The following TSC2 variants were observed in gnomAD, a reference collection of about 807,000 sequenced individuals.
The protein encoded by TSC2 is TSC complex subunit 2, also known as tuberin.
In TSC2, 29 loss-of-function variants were observed where a neutral mutation model predicts 202.2. The ratio of observed to expected loss-of-function variants is 0.14; its 90% CI spans 0.11 to 0.20. The LOEUF is 0.20. TSC2 is among the 10% of genes least tolerant of loss of function. The pLI is 1.00. For missense variants in TSC2, 2,429 were observed against 2,420.0 expected (o/e 1.00, Z -0.08); for synonymous variants, 1,349 against 1,044.0 (o/e 1.29, Z -5.63).
intron 17 of TSC2, 81 bp downstream of exon 17, chr16:2,070,659 C>A: frequency 1.2e-6 from 2 of 1,600,186 alleles, no homozygotes. Flanking sequence ...TTCCTGGAAG[C>A]TGCAGAGACG....
At chr16:2,069,143 C>T (rs1302910143) in intron 16 of TSC2, among the ~76,000 whole-genome samples, 1 of 152,196 alleles carries the variant, frequency 6.6e-6, no homozygotes, top group South Asian at 2.1e-4. Flanking sequence ...TCCCCTTTTC[C>T]TGCCTGCCTA....
At position 2,079,691 on chromosome 16, in the gene TSC2, C is replaced by A. The variant is rs766163289; in HGVS notation, c.3397+22C>A. ...TCGGGTGAGCCTTGGCCCCAGCCAC[C>A]TCCACACAGGCACCGGGGCTCCCTC... On this transcript the variant is annotated intron_variant, in intron 29 of 41. Transcript: ENST00000219476. The surrounding 1 kb of genome is among the most constrained non-coding windows in gnomAD (Gnocchi z 4.6). 5 of 1,560,974 alleles carry A rather than the reference C, an allele frequency of 3.2e-6. No homozygotes were observed. In the Admixed American group the frequency reaches 9.5e-5, roughly 30 times the overall value.
chr16:2,056,967 G>GTC, intron 8 of TSC2, 138 bp from the exon 9 acceptor site: 1 of 1,373,070 alleles, frequency 7.3e-7, no homozygotes, highest in Non-Finnish European at 1.0e-6. Context: ...TGCTGCCTCT[G>GTC]TCTTTGGGAG....
At chr16:2,072,642 GCCGTTCA>G in intron 20 of TSC2, 200 bp from the exon 21 acceptor site, 2 of 850,498 alleles carry the variant, frequency 2.4e-6, no homozygotes, top group Non-Finnish European at 3.6e-6. Flanking sequence ...GGGCTCCCGT[GCCGTTCA>G]CCTCACATTC....
chr16:2,048,652 G>A lies in TSC2; in HGVS notation c.37G>A (p.Glu13Lys), dbSNP rs1555494586. 1.2e-6 allele frequency: 2 copies of A among 1,613,998 alleles called. No homozygotes were observed. The highest frequency in any genetic ancestry group is 2.2e-5 in the East Asian group (1 of 44,892). Residue 13 changes from glutamate (E) to lysine (K), a missense_variant, in exon 2 of 42, where the codon GAG becomes AAG. Physicochemically the swap from Glu to Lys is moderately conservative, Grantham distance 56 (BLOSUM62 1). Transcript: ENST00000219476. ...AACAAGCAAAGATTCAGGCTTGAAG[G>A]AGAAGTTTAAGATTCTGTTGGGACT... ...KPTSKDSGLK[E>K]KFKILLGLGT...
At chr16:2,077,779 C>T (rs1341127146) in intron 26 of TSC2, 53 bp downstream of exon 26, 19 of 1,605,404 alleles carry the variant, frequency 1.2e-5, no homozygotes, top group Non-Finnish European at 1.6e-5. Context: ...GCCCCGTGAG[C>T]ACCTGGGTGG....
rs759429014 is a variant in TSC2 at position 2,084,298 on chromosome 16, T to A, written c.4076T>A (p.Ile1359Asn). The change falls in exon 34 of 42, where the codon ATC (isoleucine) becomes AAC (asparagine). Residue 1359 changes from isoleucine (I) to asparagine (N), a missense_variant. Ile to Asn is a moderately radical substitution (Grantham distance 149, BLOSUM62 -3). Coordinates refer to ENST00000219476, the MANE Select transcript of TSC2 (RefSeq NM_000548.5). ...GAGCTGGTTGGCAGGGGCATCCCCA[T>A]CGAGCGAGTCGTCTCCTCGGAGGGT... ...AEELVGRGIP[I>N]ERVVSSEGGR... 1 of 1,612,634 alleles carries A rather than the reference T, an allele frequency of 6.2e-7. No individual in the cohort carries two copies. The highest frequency in any genetic ancestry group is 8.5e-7 in the Non-Finnish European group (1 of 1,179,900).
chr16:2,062,475 A>G, intron 12 of TSC2, 22 bp from the exon 13 acceptor site: 2 of 1,593,408 alleles, frequency 1.3e-6, no homozygotes, highest in South Asian at 1.1e-5. Flanking sequence ...CAGAGGGGCA[A>G]CACCGGCTCT....
intron 36 of TSC2, 126 bp downstream of exon 36, chr16:2,085,448 A>G: frequency 9.7e-7 from 1 of 1,027,446 alleles, no homozygotes; most frequent in Non-Finnish European, 1.5e-6. Flanking sequence ...TACAGCATGA[A>G]GTGCTCATTG....
chr16:2,060,408 C>T (rs1296022659), intron 10 of TSC2, among the ~76,000 whole-genome samples: 1 of 152,206 alleles, frequency 6.6e-6, no homozygotes, highest in South Asian at 2.1e-4. Context: ...CCACCGGGTG[C>T]CCAGGATTCA....
intron 30 of TSC2, chr16:2,080,970 C>G (rs1001312446): frequency 3.5e-5 from 6 of 172,170 alleles, no homozygotes; most frequent in African/African-American, 1.4e-4. Flanking sequence ...GGCCTCAATC[C>G]TTGGCATGCA....
Position 2,076,168 on chromosome 16 carries a change from A to G in TSC2, c.2740A>G (p.Lys914Glu), listed in dbSNP as rs1422374195. ...FRKDFVPFIT[K>E]GLRSNVLLSF... The stretch of plus-strand genomic sequence containing the variant: ...GAAGGATTTTGTCCCTTTCATCACT[A>G]AGGTGGGCTCAGGGCCGGTGAAGGC... The change falls in exon 24 of 42, where the codon AAG (lysine) becomes GAG (glutamate). Residue 914 changes from lysine to glutamate, a missense_variant and splice_region_variant. Lys to Glu is a moderately conservative substitution (Grantham distance 56, BLOSUM62 1). Transcript: ENST00000219476. 1 of 1,613,076 alleles carries G rather than the reference A, an allele frequency of 6.2e-7. No homozygotes were observed.
At chr16:2,049,824 A>T (rs1410498517) in intron 2 of TSC2, among the ~76,000 whole-genome samples, 1 of 151,384 alleles carries the variant, frequency 6.6e-6, no homozygotes, top group Non-Finnish European at 1.5e-5. Context: ...AACTCCGTCT[A>T]AAAAAAAATT....
intron 15 of TSC2, chr16:2,064,759 T>C: frequency 2.3e-6 from 1 of 430,800 alleles, no homozygotes; most frequent in Non-Finnish European, 4.3e-6. Flanking sequence ...TCTTTGATTT[T>C]CAGATGCATT....
At chr16:2,085,057 T>C (rs368331797) in intron 35 of TSC2, 31 bp downstream of exon 35, 1 of 1,609,348 alleles carries the variant, frequency 6.2e-7, no homozygotes, top group African/African-American at 1.3e-5. Flanking sequence ...CTGCATCCGC[T>C]GGAGCTGTGT....
At chr16:2,072,469 C>T (rs1423436728) in intron 20 of TSC2, 106 bp downstream of exon 20, 5 of 1,522,534 alleles carry the variant, frequency 3.3e-6, no homozygotes, top group Non-Finnish European at 4.4e-6. Flanking sequence ...GCTCGGGCTC[C>T]ATTTCCCTCA....
chr16:2,087,979 G>C, intron 39 of TSC2, 38 bp downstream of exon 39: 1 of 1,612,656 alleles, frequency 6.2e-7, no homozygotes, highest in South Asian at 1.1e-5. Context: ...AGGAAAGGTA[G>C]GGCCGGGTGG....
At position 2,048,057 on chromosome 16, in the gene TSC2, C is replaced by T. The variant is rs796053481; in HGVS notation, c.-38C>T. ...CGGGGCGGCCCGGAGCGCGGTGGCG[C>T]GGCGCGGGGTAAGTGGCGGTCCCCA... On this transcript the variant is annotated 5_prime_UTR_variant, in exon 1 of 42. Transcript: ENST00000219476. The T allele has an allele frequency of 1.8e-5, 26 of 1,424,204 alleles. No homozygotes were observed. Among genetic ancestry groups the T allele is most frequent in the East Asian group, 5.4e-5 (2 of 36,936 alleles). 88.2% of individuals were successfully genotyped at this position (1,424,204 alleles called of 1,614,324 possible).
At chr16:2,056,015 A>G in intron 6 of TSC2, 181 bp from the exon 7 acceptor site, 3 of 711,512 alleles carry the variant, frequency 4.2e-6, no homozygotes, top group Non-Finnish European at 7.5e-6. Context: ...CATGCTGAAC[A>G]CCCAGCACCG....
Sources: allele counts gnomAD v4.1 joint callset (sites outside exome capture counted in the v4.1 genomes callset), GRCh38; gene constraint gnomAD v4.1.1; non-coding constraint Gnocchi (gnomAD v3.1); transcripts MANE v1.5; gene names NCBI Gene and HGNC (gene_info 2026-07-23, HGNC 2026-07-21).